The following SLC39A11 variants were observed in gnomAD, a reference collection of about 807,000 sequenced individuals.
The protein encoded by SLC39A11 is zinc transporter ZIP11.
In SLC39A11, 33 loss-of-function variants were observed where a neutral mutation model predicts 36.1. The ratio of observed to expected loss-of-function variants is 0.91; its 90% CI spans 0.69 to 1.22. The LOEUF (loss-of-function observed/expected upper bound fraction) is 1.22, where lower values mean the gene tolerates loss of function less well. Ranked by LOEUF, SLC39A11 falls within the 50% of genes most tolerant of loss-of-function variation. The pLI, the probability that SLC39A11 is intolerant of heterozygous loss-of-function variation, is 0.00. For missense variants in SLC39A11, 432 were observed against 430.3 expected (o/e 1.00, Z -0.03); for synonymous variants, 166 against 170.3 (o/e 0.97, Z 0.20).
intron 5 of SLC39A11, among the ~76,000 whole-genome samples, chr17:72,913,861 G>A (rs7406160): frequency 0.77 from 116,494 of 151,770 alleles, 44,858 homozygotes; most frequent in Middle Eastern, 0.85. Context: ...AGTTCCCATT[G>A]ACAACGGTAA....
At chr17:72,906,356 G>A (rs72847980) in intron 5 of SLC39A11, among the ~76,000 whole-genome samples, 13,411 of 152,336 alleles carry the variant, frequency 0.088, 792 homozygotes, top group African/African-American at 0.17. Context: ...ATTGAGAGAC[G>A]TGGGCACCAC....
chr17:72,658,521 C>T (rs919478089), intron 7 of SLC39A11, among the ~76,000 whole-genome samples: 6 of 152,212 alleles, frequency 3.9e-5, no homozygotes, highest in African/African-American at 1.4e-4. Context: ...CTTCTCTTCT[C>T]CAGCATCCTC....
chr17:72,729,458 T>TATATATATATA (rs375208239), intron 7 of SLC39A11, among the ~76,000 whole-genome samples: 1 of 6,940 alleles, frequency 1.4e-4, no homozygotes, highest in Non-Finnish European at 2.7e-4. Flanking sequence ...TATATATATA[T>TATATATATATA]TTTTTTTTTT....
At chr17:73,014,130 C>T (rs2090679256) in intron 4 of SLC39A11, among the ~76,000 whole-genome samples, 1 of 152,168 alleles carries the variant, frequency 6.6e-6, no homozygotes, top group Non-Finnish European at 1.5e-5. Context: ...CATATAAACA[C>T]AGAATGCACC....
chr17:72,911,311 A>C (rs1280169274), intron 5 of SLC39A11, among the ~76,000 whole-genome samples: 1 of 152,070 alleles, frequency 6.6e-6, no homozygotes, highest in East Asian at 1.9e-4. Flanking sequence ...GATATACCTA[A>C]TGTTAAATGA....
intron 5 of SLC39A11, among the ~76,000 whole-genome samples, chr17:72,876,977 C>A (rs1362268844): frequency 6.6e-6 from 1 of 152,212 alleles, no homozygotes; most frequent in Admixed American, 6.5e-5. Context: ...AGCTCCCAGG[C>A]CCTAGCCAGG....
At chr17:72,816,984 A>T (rs955283211) in intron 6 of SLC39A11, among the ~76,000 whole-genome samples, 16 of 152,176 alleles carry the variant, frequency 1.1e-4, no homozygotes, top group African/African-American at 3.4e-4. Context: ...TCTTACTTCC[A>T]GGGTGCTTGA....
chr17:73,057,109 C>A (rs1381795443), intron 3 of SLC39A11, among the ~76,000 whole-genome samples: 2 of 152,068 alleles, frequency 1.3e-5, no homozygotes, highest in Admixed American at 6.6e-5. Context: ...TGCAACCATG[C>A]CCAGTTAATT....
chr17:72,710,237 G>T (rs774348492), intron 7 of SLC39A11, among the ~76,000 whole-genome samples: 3 of 152,144 alleles, frequency 2.0e-5, no homozygotes, highest in Non-Finnish European at 2.9e-5. Context: ...TTCCCCTGTG[G>T]TTCTCATTTT....
chr17:72,675,348 G>T (rs919057523), intron 7 of SLC39A11, among the ~76,000 whole-genome samples: 6 of 152,128 alleles, frequency 3.9e-5, no homozygotes, highest in Non-Finnish European at 7.4e-5. Context: ...CCAGCAAGTG[G>T]GTCCTCACGG....
intron 3 of SLC39A11, among the ~76,000 whole-genome samples, chr17:73,045,343 G>A (rs1334960433): frequency 8.4e-6 from 1 of 119,412 alleles, no homozygotes; most frequent in African/African-American, 3.2e-5. Flanking sequence ...CAAATTTATT[G>A]ACCAGTCACC....
At chr17:72,700,834 T>A (rs1567961756) in intron 7 of SLC39A11, among the ~76,000 whole-genome samples, 1 of 152,138 alleles carries the variant, frequency 6.6e-6, no homozygotes, top group East Asian at 1.9e-4. Context: ...TATAAAACCA[T>A]CAGATCTCCT....
intron 6 of SLC39A11, among the ~76,000 whole-genome samples, chr17:72,807,767 T>A (rs2077308700): frequency 6.6e-6 from 1 of 152,206 alleles, no homozygotes; most frequent in Non-Finnish European, 1.5e-5. Context: ...CCTTTTAGGA[T>A]AAAGTGGTAA....
intron 5 of SLC39A11, among the ~76,000 whole-genome samples, chr17:72,878,052 G>A (rs1399125559): frequency 2.1e-5 from 3 of 142,170 alleles, no homozygotes; most frequent in Non-Finnish European, 3.0e-5. Context: ...TCCCGCCTAT[G>A]AGTGAGAACA....
intron 5 of SLC39A11, chr17:72,947,532 T>C (rs2085506944): frequency 1.5e-6 from 1 of 651,940 alleles, no homozygotes; most frequent in African/African-American, 1.8e-5. Flanking sequence ...CGTTACCTTC[T>C]GTAGACTAAG....
At chr17:72,855,724 G>A (rs1375678549) in intron 5 of SLC39A11, among the ~76,000 whole-genome samples, 5 of 141,478 alleles carry the variant, frequency 3.5e-5, no homozygotes, top group East Asian at 2.0e-4. Flanking sequence ...GTGAAACCCC[G>A]TCTCTACTAA....
intron 3 of SLC39A11, among the ~76,000 whole-genome samples, chr17:73,033,537 G>A (rs117889348): frequency 9.9e-4 from 150 of 152,250 alleles, no homozygotes; most frequent in Non-Finnish European, 1.5e-3. Context: ...GAGCCCAGGA[G>A]TTCAAGGCCA....
chr17:72,985,859 C>A (rs926385904), intron 4 of SLC39A11, among the ~76,000 whole-genome samples: 1 of 152,056 alleles, frequency 6.6e-6, no homozygotes, highest in Non-Finnish European at 1.5e-5. Context: ...TGTAAATGAT[C>A]GAGGTAAGAT....
intron 7 of SLC39A11, among the ~76,000 whole-genome samples, chr17:72,719,902 G>C (rs1203511066): frequency 1.3e-5 from 2 of 152,178 alleles, no homozygotes; most frequent in Non-Finnish European, 2.9e-5. Context: ...CCCGGCGGAT[G>C]GGGGAGGGGC....
Sources: gnomAD v4.1 joint callset for allele counts (sites outside exome capture counted in the v4.1 genomes callset) on GRCh38, gnomAD v4.1.1 for gene constraint, MANE v1.5 for transcripts, NCBI Gene and HGNC (gene_info 2026-07-23, HGNC 2026-07-21) for gene names.